Variants in RB1CC1 observed in about 807,000 individuals in gnomAD.
The protein encoded by RB1CC1 is RB1-inducible coiled-coil protein 1.
RB1CC1 carries 46 observed loss-of-function variants against 177.5 expected under a neutral mutation model. The observed-to-expected ratio is 0.26, with a 90% CI of 0.20 to 0.33. RB1CC1 has a LOEUF of 0.33. Ranked by LOEUF, RB1CC1 falls within the 10% of genes least tolerant of loss-of-function variation. The pLI, the probability that RB1CC1 is intolerant of heterozygous loss-of-function variation, is 1.00. For missense variants in RB1CC1, 1,703 were observed against 1,816.3 expected, an observed-to-expected ratio of 0.94 and a Z score of 1.13; for synonymous variants, 666 against 613.6, an observed-to-expected ratio of 1.09 and a Z score of -1.26.
intron 22 of RB1CC1, among the ~76,000 whole-genome samples, 170 bp downstream of exon 22, chr8:52,627,862 T>C (rs1222257797): frequency 6.6e-6 from 1 of 152,106 alleles, no homozygotes; most frequent in Non-Finnish European, 1.5e-5. Context: ...GAATTGTAAA[T>C]GGAATCCATG....
At chr8:52,708,968 G>A (rs1004058258) in intron 1 of RB1CC1, among the ~76,000 whole-genome samples, 2 of 152,144 alleles carry the variant, frequency 1.3e-5, no homozygotes, top group African/African-American at 4.8e-5. Context: ...AGCACTTTGG[G>A]AGGCAGAGGC....
chr8:52,653,687 C>T (rs1317650971), intron 15 of RB1CC1, among the ~76,000 whole-genome samples: 2 of 152,060 alleles, frequency 1.3e-5, no homozygotes, highest in South Asian at 2.1e-4. Context: ...TAACCCTTAT[C>T]GGAAATGCTT....
chr8:52,644,350 T>C (rs543743707), intron 16 of RB1CC1, among the ~76,000 whole-genome samples: 4 of 152,300 alleles, frequency 2.6e-5, no homozygotes, highest in African/African-American at 9.6e-5. Flanking sequence ...CATGAAGAAG[T>C]AAATTAGACA....
intron 5 of RB1CC1, among the ~76,000 whole-genome samples, chr8:52,680,120 C>T (rs1355237063): frequency 6.6e-6 from 1 of 151,830 alleles, no homozygotes; most frequent in Non-Finnish European, 1.5e-5. Flanking sequence ...GAAATCTACA[C>T]TAAATTACCC....
At position 52,660,565 on chromosome 8, in the gene RB1CC1, AT is replaced by A. The variant is rs761483055; in HGVS notation, c.1689+30del. On this transcript the variant is annotated intron_variant, in intron 12 of 23. Coordinates refer to ENST00000025008, the MANE Select transcript of RB1CC1 (RefSeq NM_014781.5). ...GAAAAAAGGTTTTAAAACATATGGA[AT>A]TTAGTCATGGTTAGAAAATAAATAC... 6 of 1,541,260 alleles carry A rather than the reference AT, an allele frequency of 3.9e-6. No individual in the cohort carries two copies. In the Admixed American group the frequency reaches 1.2e-4, roughly 31 times the overall value.
At chr8:52,644,942 T>G (rs987239038) in intron 16 of RB1CC1, among the ~76,000 whole-genome samples, 1 of 152,302 alleles carries the variant, frequency 6.6e-6, no homozygotes, top group Non-Finnish European at 1.5e-5. Context: ...AGCTACCAAA[T>G]TGCTCTTCCA....
At chr8:52,698,254 T>G (rs929130348) in intron 1 of RB1CC1, among the ~76,000 whole-genome samples, 1 of 152,016 alleles carries the variant, frequency 6.6e-6, no homozygotes, top group Non-Finnish European at 1.5e-5. Context: ...TTTTTTGTAT[T>G]TTTTTGTAGA....
chr8:52,644,666 T>C (rs2108), intron 16 of RB1CC1, among the ~76,000 whole-genome samples: 38,989 of 152,016 alleles, frequency 0.26, 5,661 homozygotes, highest in Non-Finnish European at 0.32. Flanking sequence ...CTCATTCCCT[T>C]TTCCCAGGCT....
At position 52,685,470 on chromosome 8, in the gene RB1CC1, G is replaced by T; in HGVS notation, c.-1C>A. ...TAACCAGAAATACATATAACTTCATGATGATTTATCTGAATTCTGTGAGCT... is the reference window on the plus strand; with the variant it reads ...TAACCAGAAATACATATAACTTCATTATGATTTATCTGAATTCTGTGAGCT... On this transcript the variant is annotated 5_prime_UTR_variant, in exon 3 of 24. Transcript: ENST00000025008. 6.3e-7 allele frequency: 1 copy of T among 1,576,020 alleles called. No homozygotes were observed. Among genetic ancestry groups the T allele is most frequent in the Non-Finnish European group, 8.7e-7 (1 of 1,150,236 alleles).
chr8:52,665,764 A>C (rs2150520396), intron 8 of RB1CC1, among the ~76,000 whole-genome samples: 1 of 152,306 alleles, frequency 6.6e-6, no homozygotes, highest in African/African-American at 2.4e-5. Flanking sequence ...GAAGAACGAA[A>C]CCAAGAGAGA....
chr8:52,629,506 C>T (rs373991603), intron 21 of RB1CC1, among the ~76,000 whole-genome samples: 9 of 152,138 alleles, frequency 5.9e-5, no homozygotes, highest in African/African-American at 1.9e-4. Flanking sequence ...TAGGCCAGTG[C>T]CCTATAAATT....
intron 1 of RB1CC1, among the ~76,000 whole-genome samples, chr8:52,696,048 GT>G (rs1156766381): frequency 6.6e-6 from 1 of 151,988 alleles, no homozygotes; most frequent in Non-Finnish European, 1.5e-5. Flanking sequence ...TCATACTATG[GT>G]TTTTTTGTTT....
chr8:52,664,138 G>A (rs1253259793), intron 8 of RB1CC1, among the ~76,000 whole-genome samples: 1 of 152,174 alleles, frequency 6.6e-6, no homozygotes, highest in Non-Finnish European at 1.5e-5. Context: ...GGTGTGAAAA[G>A]TTGTCTCACT....
At chr8:52,695,030 C>T (rs962983455) in intron 1 of RB1CC1, among the ~76,000 whole-genome samples, 3 of 151,978 alleles carry the variant, frequency 2.0e-5, no homozygotes, top group Non-Finnish European at 4.4e-5. Context: ...GATAAATAGG[C>T]AAAGGGCATG....
intron 18 of RB1CC1, among the ~76,000 whole-genome samples, chr8:52,641,173 C>CAGG (rs953306225): frequency 1.1e-4 from 16 of 151,882 alleles, no homozygotes; most frequent in African/African-American, 3.4e-4. Context: ...CACCTGAGGT[C>CAGG]AGGAGTTCGA....
intron 1 of RB1CC1, among the ~76,000 whole-genome samples, chr8:52,703,543 T>G (rs1432527814): frequency 2.0e-5 from 3 of 152,210 alleles, no homozygotes; most frequent in African/African-American, 7.2e-5. Context: ...CTCATGTCAT[T>G]CCACAGCTTC....
At chr8:52,674,317 C>A in intron 6 of RB1CC1, 43 bp from the exon 7 acceptor site, 1 of 1,475,580 alleles carries the variant, frequency 6.8e-7, no homozygotes, top group Non-Finnish European at 9.4e-7. Context: ...TGAGACTGCT[C>A]TAATTAGGAA....
At chr8:52,643,524 C>G (rs1254534369) in intron 16 of RB1CC1, among the ~76,000 whole-genome samples, 1 of 151,412 alleles carries the variant, frequency 6.6e-6, no homozygotes, top group Non-Finnish European at 1.5e-5. Context: ...AACACAAGAT[C>G]GAGTCTCTAC....
chr8:52,666,347 T>A (rs1254098845), intron 8 of RB1CC1, among the ~76,000 whole-genome samples: 1 of 151,958 alleles, frequency 6.6e-6, no homozygotes, highest in Non-Finnish European at 1.5e-5. Context: ...GGAAAAACCC[T>A]GTCTCCACTA....
Sources: allele counts gnomAD v4.1 joint callset (sites outside exome capture counted in the v4.1 genomes callset), GRCh38; gene constraint gnomAD v4.1.1; transcripts MANE v1.5; gene names NCBI Gene and HGNC (gene_info 2026-07-23, HGNC 2026-07-21).